SYNPR: variants seen among roughly 807,000 people sequenced by gnomAD.
SYNPR encodes the protein synaptoporin.
SYNPR carries 23 observed loss-of-function variants against 32.9 expected under a neutral mutation model. The observed-to-expected ratio is 0.70, with a 90% CI of 0.50 to 0.99. The LOEUF is 0.99. Among genes scored for constraint, SYNPR ranks in the 50% least tolerant of loss-of-function variants. The pLI is 0.00. For missense variants in SYNPR, 318 were observed against 349.3 expected (o/e 0.91, Z 0.71); for synonymous variants, 146 against 135.9 (o/e 1.07, Z -0.52).
chr3:63,338,523 T>C (rs1263071886), intron 2 of SYNPR, among the ~76,000 whole-genome samples: 1 of 152,200 alleles, frequency 6.6e-6, no homozygotes, highest in Non-Finnish European at 1.5e-5. Context: ...CTGAGTATTT[T>C]TCAGAAGCTT....
At chr3:63,529,300 T>C (rs1702069308) in intron 3 of SYNPR, among the ~76,000 whole-genome samples, 1 of 152,274 alleles carries the variant, frequency 6.6e-6, no homozygotes. Flanking sequence ...AAATGCAATG[T>C]AAATGCTATG....
At chr3:63,482,719 A>G (rs987365606) in intron 3 of SYNPR, among the ~76,000 whole-genome samples, 6 of 152,190 alleles carry the variant, frequency 3.9e-5, no homozygotes, top group Non-Finnish European at 5.9e-5. Context: ...ATTAATGTTC[A>G]TCTAGGAGAT....
At chr3:63,403,860 CTG>C (rs2088324753) in intron 2 of SYNPR, among the ~76,000 whole-genome samples, 2 of 152,320 alleles carry the variant, frequency 1.3e-5, no homozygotes, top group Non-Finnish European at 2.9e-5. Context: ...CATCAAAAAA[CTG>C]TGCACTGAGA....
rs145550154 is a variant in SYNPR, at chr3:63,474,231, G to C, written c.85-6601G>C. Among the ~76,000 whole-genome samples, 305 of 152,244 alleles carry C rather than the reference G, an allele frequency of 2.0e-3. 2 individuals carry two copies. The highest frequency in any genetic ancestry group is 7.1e-3 in the African/African-American group (293 of 41,532). On this transcript the variant is annotated intron_variant, in intron 2 of 5. Transcript: ENST00000478300. ...TCTCACACTGTTTGAAAGCTGCCAGGGAATTAGCTCCTGGGGACGTCTACC... is the reference window on the plus strand; with the variant it reads ...TCTCACACTGTTTGAAAGCTGCCAGCGAATTAGCTCCTGGGGACGTCTACC...
chr3:63,422,104 C>T (rs893952546), intron 2 of SYNPR, among the ~76,000 whole-genome samples: 1 of 152,086 alleles, frequency 6.6e-6, no homozygotes, highest in African/African-American at 2.4e-5. Flanking sequence ...TTACAGGTTC[C>T]ACTCACATTC....
chr3:63,428,055 T>G (rs1389283859), intron 2 of SYNPR, among the ~76,000 whole-genome samples: 1 of 152,224 alleles, frequency 6.6e-6, no homozygotes, highest in African/African-American at 2.4e-5. Flanking sequence ...ATTGTCCTTA[T>G]CTTTGAACCA....
Position 63,407,673 on chromosome 3 carries a change from T to C in SYNPR, c.85-73159T>C, listed in dbSNP as rs988043761. Among the ~76,000 whole-genome samples, 3 of 152,282 alleles carry C rather than the reference T, an allele frequency of 2.0e-5. No individual in the cohort carries two copies. The East Asian group carries it at 5.8e-4, about 29-fold the overall frequency. ...ATATCTTTGCTCAAGGAAAAAAATA[T>C]ACCACGTAGAAATTATTCCCTTGAG... is the stretch of plus-strand genomic sequence containing the variant. On this transcript the variant is annotated intron_variant, in intron 2 of 5. Coordinates refer to ENST00000478300, the MANE Select transcript of SYNPR (RefSeq NM_001130003.2).
intron 4 of SYNPR, among the ~76,000 whole-genome samples, chr3:63,599,706 A>G (rs1700010354): frequency 6.6e-6 from 1 of 152,216 alleles, no homozygotes; most frequent in South Asian, 2.1e-4. Context: ...CCCAGTATAA[A>G]AATTCTAGGC....
chr3:63,255,671 C>T (rs139804541), intron 2 of SYNPR, among the ~76,000 whole-genome samples: 86 of 152,212 alleles, frequency 5.7e-4, no homozygotes, highest in South Asian at 6.2e-4. Flanking sequence ...CCAGTGTGAG[C>T]GACGCAGAAG....
intron 2 of SYNPR, among the ~76,000 whole-genome samples, chr3:63,343,537 G>A (rs569440219): frequency 6.6e-6 from 1 of 152,254 alleles, no homozygotes; most frequent in South Asian, 2.1e-4. Flanking sequence ...CTGAACTCCT[G>A]GTAAGGACTG....
At chr3:63,441,346 C>G (rs1373709214) in intron 2 of SYNPR, among the ~76,000 whole-genome samples, 13 of 152,116 alleles carry the variant, frequency 8.5e-5, no homozygotes, top group Admixed American at 8.5e-4. Context: ...ATATTCAGAG[C>G]CAATGAGAAT....
chr3:63,478,133 G>A (rs760249952), intron 2 of SYNPR, among the ~76,000 whole-genome samples: 1 of 152,152 alleles, frequency 6.6e-6, no homozygotes, highest in Non-Finnish European at 1.5e-5. Context: ...AAAAATTGTG[G>A]TGTATGTGGT....
chr3:63,400,073 C>T lies in SYNPR; in HGVS notation c.85-80759C>T, dbSNP rs549008258. Among the ~76,000 whole-genome samples the T allele has an allele frequency of 8.5e-5, 13 of 152,314 alleles. No individual in the cohort carries two copies. The East Asian group carries it at 9.7e-4, about 11-fold the overall frequency. Reference sequence around the variant, plus strand: ...GATGAGCAAGCTCAACCAGGGTTAACAGAGCCATCCTCATGACCTATAGAT... The same window carrying T: ...GATGAGCAAGCTCAACCAGGGTTAATAGAGCCATCCTCATGACCTATAGAT... On this transcript the variant is annotated intron_variant, in intron 2 of 5. Coordinates refer to ENST00000478300, the MANE Select transcript of SYNPR (RefSeq NM_001130003.2).
intron 2 of SYNPR, among the ~76,000 whole-genome samples, chr3:63,439,621 C>CT (rs748519166): frequency 3.3e-5 from 5 of 152,170 alleles, no homozygotes; most frequent in Non-Finnish European, 7.3e-5. Context: ...AAAAAAGCAA[C>CT]TGATCAATAT....
the SYNPR span, among the ~76,000 whole-genome samples, chr3:63,207,708 GAA>G: frequency 6.6e-6 from 1 of 152,068 alleles, no homozygotes; most frequent in Non-Finnish European, 1.5e-5. Context: ...GAATGAAAAG[GAA>G]AGTCATCTTC....
At chr3:63,513,323 A>C (rs2106757833) in intron 3 of SYNPR, among the ~76,000 whole-genome samples, 1 of 152,242 alleles carries the variant, frequency 6.6e-6, no homozygotes, top group Non-Finnish European at 1.5e-5. Flanking sequence ...CTAGGATTAC[A>C]GACATGTGCC....
intron 2 of SYNPR, among the ~76,000 whole-genome samples, chr3:63,327,833 T>C (rs960134263): frequency 1.3e-5 from 2 of 152,098 alleles, no homozygotes; most frequent in East Asian, 1.9e-4. Flanking sequence ...TATTTCTTGA[T>C]CTAGGGATTG....
Position 63,606,563 on chromosome 3 carries a change from T to C in SYNPR, c.409-2562T>C, listed in dbSNP as rs147008152. 2.3e-3 allele frequency among the ~76,000 whole-genome samples: 349 copies of C among 151,742 alleles called. 5 individuals are homozygous for C. The East Asian group carries it at 0.051, about 22-fold the overall frequency. The stretch of plus-strand genomic sequence containing the variant: ...CTCCCACCTCAGGCTCACAGGTTGA[T>C]AGGACTACAGTCATGCCCCACCATG... On this transcript the variant is annotated intron_variant, in intron 4 of 5. Transcript: ENST00000478300.
intron 2 of SYNPR, among the ~76,000 whole-genome samples, chr3:63,255,544 T>C (rs189427067): frequency 2.7e-3 from 418 of 152,346 alleles, no homozygotes; most frequent in Non-Finnish European, 4.8e-3. Context: ...GTGAAGTAAC[T>C]TAGTTAAATA....
Sources: gnomAD v4.1 joint callset for allele counts (sites outside exome capture counted in the v4.1 genomes callset) on GRCh38, gnomAD v4.1.1 for gene constraint, MANE v1.5 for transcripts, NCBI Gene and HGNC (gene_info 2026-07-23, HGNC 2026-07-21) for gene names.